Variants in PRKAR2B observed in about 807,000 individuals in gnomAD.
The protein encoded by PRKAR2B is cAMP-dependent protein kinase type II-beta regulatory subunit.
PRKAR2B carries 14 observed loss-of-function variants against 49.9 expected under a neutral mutation model. That is an observed-to-expected ratio of 0.28 (90% CI 0.19 to 0.44). The LOEUF is 0.44. Ranked by LOEUF, PRKAR2B falls within the 20% of genes least tolerant of loss-of-function variation. The pLI is 1.00. For missense variants in PRKAR2B, 393 were observed against 537.9 expected, an observed-to-expected ratio of 0.73 and a Z score of 2.67; for synonymous variants, 196 against 197.7, an observed-to-expected ratio of 0.99 and a Z score of 0.07.
At chr7:107,153,538 A>T (rs550045180) in intron 8 of PRKAR2B, among the ~76,000 whole-genome samples, 1 of 152,344 alleles carries the variant, frequency 6.6e-6, no homozygotes, top group East Asian at 1.9e-4. Context: ...TGAATGTTCC[A>T]TGACATTAAT....
At chr7:107,079,758 A>AT (rs1427659242) in intron 2 of PRKAR2B, among the ~76,000 whole-genome samples, 1 of 152,140 alleles carries the variant, frequency 6.6e-6, no homozygotes, top group Non-Finnish European at 1.5e-5. Flanking sequence ...GCTTGTTCAC[A>AT]TGTCTTTTTC....
At chr7:107,116,941 ATGTG>A (rs141264067) in intron 2 of PRKAR2B, among the ~76,000 whole-genome samples, 2 of 146,156 alleles carry the variant, frequency 1.4e-5, no homozygotes, top group South Asian at 2.1e-4. Context: ...GTGTATATAT[ATGTG>A]TGTGTGTGTG....
At chr7:107,059,804 C>G (rs1793991410) in intron 1 of PRKAR2B, among the ~76,000 whole-genome samples, 1 of 151,924 alleles carries the variant, frequency 6.6e-6, no homozygotes, top group Non-Finnish European at 1.5e-5. Flanking sequence ...CCTCTCTTCC[C>G]AGACCTTGCA....
At chr7:107,062,707 TA>T (rs1198814508) in intron 1 of PRKAR2B, among the ~76,000 whole-genome samples, 6 of 152,090 alleles carry the variant, frequency 3.9e-5, no homozygotes, top group African/African-American at 1.2e-4. Context: ...CATCTTTTTT[TA>T]AAAAAAATTG....
At chr7:107,076,941 A>AGGAACATATGCTTCCTTGATTCAC in intron 2 of PRKAR2B, among the ~76,000 whole-genome samples, 1 of 152,330 alleles carries the variant, frequency 6.6e-6, no homozygotes, top group Non-Finnish European at 1.5e-5. Context: ...ATCTGATTCA[A>AGGAACATATGCTTCCTTGATTCAC]GGAACATATG....
chr7:107,145,586 A>T (rs1467238343), intron 5 of PRKAR2B, among the ~76,000 whole-genome samples: 1 of 151,874 alleles, frequency 6.6e-6, no homozygotes, highest in African/African-American at 2.4e-5. Flanking sequence ...TTCTTTTTTT[A>T]AGGTTAATTT....
chr7:107,091,247 G>A (rs1383608659), intron 2 of PRKAR2B, among the ~76,000 whole-genome samples: 4 of 152,122 alleles, frequency 2.6e-5, no homozygotes. Context: ...ATATGTGGTT[G>A]GTTGTGCTGT....
intron 1 of PRKAR2B, among the ~76,000 whole-genome samples, chr7:107,045,910 A>G (rs982200860): frequency 6.6e-6 from 1 of 152,222 alleles, no homozygotes; most frequent in African/African-American, 2.4e-5. Context: ...CTTTTTATAT[A>G]AAAGACATAT....
rs556387067 is a variant in PRKAR2B, at chr7:107,048,208, A to G, written c.307+2994A>G. Among the ~76,000 whole-genome samples the G allele has an allele frequency of 1.9e-3, 285 of 152,226 alleles. 1 individual carries two copies. The highest frequency in any genetic ancestry group is 3.0e-3 in the Non-Finnish European group (205 of 68,026). On this transcript the variant is annotated intron_variant, in intron 1 of 10. Coordinates refer to ENST00000265717, the MANE Select transcript of PRKAR2B (RefSeq NM_002736.3). ...GAGTATCCCTTATATGTCAAGCTCT[A>G]TTTGGGACCCTTAATGTGTTTTATT...
intron 4 of PRKAR2B, among the ~76,000 whole-genome samples, chr7:107,138,867 C>T (rs1410189220): frequency 6.6e-6 from 1 of 151,896 alleles, no homozygotes; most frequent in African/African-American, 2.4e-5. Flanking sequence ...TTGGTAGAGA[C>T]GGGGTTTTGC....
intron 4 of PRKAR2B, chr7:107,128,734 T>G (rs899257597): frequency 2.0e-5 from 3 of 153,718 alleles, no homozygotes; most frequent in Non-Finnish European, 4.3e-5. Flanking sequence ...ATAAACTCAT[T>G]ATCTGTGTAT....
chr7:107,087,129 TCTTA>T (rs777717595), intron 2 of PRKAR2B, among the ~76,000 whole-genome samples: 4 of 152,240 alleles, frequency 2.6e-5, no homozygotes, highest in African/African-American at 9.6e-5. Flanking sequence ...GTCTAAGTCC[TCTTA>T]CTTAAGATTG....
At chr7:107,095,370 T>G (rs1445808356) in intron 2 of PRKAR2B, among the ~76,000 whole-genome samples, 1 of 152,234 alleles carries the variant, frequency 6.6e-6, no homozygotes, top group Non-Finnish European at 1.5e-5. Context: ...GAGAGTTTGC[T>G]GAAGTTGCTT....
At chr7:107,067,184 C>G (rs1330269689) in intron 1 of PRKAR2B, 1 of 152,214 alleles carries the variant, frequency 6.6e-6, no homozygotes, top group Non-Finnish European at 1.5e-5. Flanking sequence ...GCCAGATGCA[C>G]ATTTCTTTAT....
intron 2 of PRKAR2B, among the ~76,000 whole-genome samples, chr7:107,096,324 G>C (rs1032663689): frequency 9.9e-5 from 15 of 152,156 alleles, no homozygotes; most frequent in African/African-American, 3.6e-4. Context: ...ATGGTAGTTT[G>C]TATTTCTGTG....
At chr7:107,156,731 G>C (rs928944777) in intron 8 of PRKAR2B, among the ~76,000 whole-genome samples, 4 of 151,916 alleles carry the variant, frequency 2.6e-5, no homozygotes, top group Non-Finnish European at 4.4e-5. Flanking sequence ...GTGTGAACCC[G>C]GGAGGTGGAG....
rs1195334235 is a variant in PRKAR2B at position 107,153,810 on chromosome 7, A to G, written c.918+559A>G. 2.0e-5 allele frequency among the ~76,000 whole-genome samples: 3 copies of G among 152,232 alleles called. No homozygotes were observed. In the South Asian group the frequency reaches 6.2e-4, roughly 32 times the overall value. On this transcript the variant is annotated intron_variant, in intron 8 of 10. Transcript: ENST00000265717. ...AAAGTAGAATTTGTGAAGACTGTTG[A>G]AGTTCACAGGTAAAGCATGCAGATG...
chr7:107,078,371 C>G (rs1449483038), intron 2 of PRKAR2B: 2 of 152,232 alleles, frequency 1.3e-5, no homozygotes, highest in African/African-American at 4.8e-5. Context: ...CAGTCTTGAG[C>G]AAGGGAGGTG....
intron 2 of PRKAR2B, among the ~76,000 whole-genome samples, chr7:107,072,553 T>C (rs1419980656): frequency 6.6e-6 from 1 of 152,184 alleles, no homozygotes; most frequent in African/African-American, 2.4e-5. Flanking sequence ...TGTATTTTAT[T>C]TGAGACTTTC....
Sources: gnomAD v4.1 joint callset for allele counts (sites outside exome capture counted in the v4.1 genomes callset) on GRCh38, gnomAD v4.1.1 for gene constraint, MANE v1.5 for transcripts, NCBI Gene and HGNC (gene_info 2026-07-23, HGNC 2026-07-21) for gene names.